The following FAM174B variants were observed in gnomAD, a reference collection of about 807,000 sequenced individuals.
FAM174B encodes family with sequence similarity 174 member B, also known as membrane protein FAM174B.
FAM174B carries 12 observed loss-of-function variants against 10.9 expected under a neutral mutation model. The ratio of observed to expected loss-of-function variants is 1.10; its 90% CI spans 0.71 to 1.79. The LOEUF is 1.79. FAM174B is among the 40% of genes most tolerant of loss of function. FAM174B has a pLI of 0.00. For missense variants in FAM174B, 266 were observed against 233.3 expected (o/e 1.14, Z -0.91); for synonymous variants, 132 against 115.8 (o/e 1.14, Z -0.90).
intron 2 of FAM174B, chr15:92,627,209 C>T (rs2050759081): frequency 6.5e-6 from 1 of 152,802 alleles, no homozygotes; most frequent in Non-Finnish European, 1.5e-5. Flanking sequence ...TTTGCCCTCG[C>T]AACACGCCAG....
chr15:92,632,184 C>T (rs1046986485), intron 1 of FAM174B, among the ~76,000 whole-genome samples: 1 of 152,192 alleles, frequency 6.6e-6, no homozygotes, highest in Non-Finnish European at 1.5e-5. Context: ...CATGAGGATT[C>T]ATGAGGAAAA....
At chr15:92,638,527 T>C (rs557244683) in intron 1 of FAM174B, among the ~76,000 whole-genome samples, 2 of 152,188 alleles carry the variant, frequency 1.3e-5, no homozygotes, top group Admixed American at 1.3e-4. Flanking sequence ...CTAAACCCTT[T>C]AGACTCAGTT....
chr15:92,648,312 C>T (rs1596303112), intron 1 of FAM174B, among the ~76,000 whole-genome samples: 1 of 152,324 alleles, frequency 6.6e-6, no homozygotes, highest in Middle Eastern at 3.4e-3. Flanking sequence ...TTTTTGTCAA[C>T]AAAGGGCATT....
In FAM174B at chr15:92,617,577, T is replaced by C. The variant is rs1337319331; in HGVS notation, c.*1879A>G. Reference sequence around the variant, plus strand: ...AAGCACCTGGCAGATGGAGCCCGGGTGTTTCTGCGTAAGGCAGAGGAATCC... The same window carrying C: ...AAGCACCTGGCAGATGGAGCCCGGGCGTTTCTGCGTAAGGCAGAGGAATCC... On this transcript the variant is annotated 3_prime_UTR_variant, in exon 3 of 3. Coordinates refer to ENST00000327355, the MANE Select transcript of FAM174B (RefSeq NM_207446.3). 11 of 569,656 alleles carry C rather than the reference T, an allele frequency of 1.9e-5. No homozygotes were observed. Among genetic ancestry groups the C allele is most frequent in the Non-Finnish European group, 3.4e-5 (11 of 322,668 alleles). 35.3% of individuals were successfully genotyped at this position (569,656 alleles called of 1,614,324 possible).
At chr15:92,655,032 G>A (rs2050991888) in intron 1 of FAM174B, 1 of 292,130 alleles carries the variant, frequency 3.4e-6, no homozygotes, top group Admixed American at 5.1e-5. Flanking sequence ...GAGCGCTATT[G>A]TTAGTGTTCA....
chr15:92,630,001 T>C (rs929172545), intron 2 of FAM174B, among the ~76,000 whole-genome samples: 3 of 152,094 alleles, frequency 2.0e-5, no homozygotes, highest in Admixed American at 2.0e-4. Context: ...CAATTAAACC[T>C]CTCTTTATAC....
intron 1 of FAM174B, among the ~76,000 whole-genome samples, chr15:92,631,424 TATA>T (rs1170730393): frequency 1.7e-5 from 1 of 59,180 alleles, no homozygotes; most frequent in Non-Finnish European, 2.8e-5. Context: ...ATATATAATA[TATA>T]ATATAATATA....
intron 2 of FAM174B, among the ~76,000 whole-genome samples, chr15:92,625,018 C>T (rs1474521817): frequency 1.3e-5 from 2 of 152,200 alleles, no homozygotes; most frequent in East Asian, 1.9e-4. Context: ...CACATGCAGC[C>T]GAAACCCAAA....
chr15:92,620,244 A>T (rs574768248), intron 2 of FAM174B, among the ~76,000 whole-genome samples: 6 of 152,354 alleles, frequency 3.9e-5, no homozygotes, highest in African/African-American at 1.2e-4. Context: ...AGGCACGGTA[A>T]TCCCAGCACT....
At chr15:92,630,386 G>C (rs1420825981) in intron 1 of FAM174B, 41 bp from the exon 2 acceptor site, 2 of 1,570,880 alleles carry the variant, frequency 1.3e-6, no homozygotes, top group African/African-American at 1.4e-5. Context: ...ACAGCTGGGA[G>C]AGAAAGAGTC....
At chr15:92,624,401 G>A (rs2050739869) in intron 2 of FAM174B, among the ~76,000 whole-genome samples, 1 of 148,346 alleles carries the variant, frequency 6.7e-6, no homozygotes, top group Non-Finnish European at 1.5e-5. Context: ...GGGGTGCCTG[G>A]CCATTCAGAG....
chr15:92,655,648 C>T lies in FAM174B; in HGVS notation c.12G>A (p.Val4=). The change falls in exon 1 of 3, where the codon GTG becomes GTA. Residue 4 remains valine, a synonymous_variant. Transcript: ENST00000327355. ...GCGGCAGGAGCGGGGCGGGCAGCGG[C>T]ACGGCGCGCATAGTGCGGTGGGTCG... The part of the protein sequence containing the change: MRA[V]PLPAPLLPLL... 8.0e-7 allele frequency: 1 copy of T among 1,255,028 alleles called. No homozygotes were observed. The highest frequency in any genetic ancestry group is 9.9e-7 in the Non-Finnish European group (1 of 1,005,232). 77.7% of individuals were successfully genotyped at this position (1,255,028 alleles called of 1,614,324 possible). A position where few individuals can be genotyped will look rare whatever the true frequency, so the allele number is the denominator to read the frequency against.
intron 2 of FAM174B, among the ~76,000 whole-genome samples, chr15:92,627,713 G>C (rs527387756): frequency 1.3e-5 from 2 of 152,300 alleles, no homozygotes; most frequent in East Asian, 3.9e-4. Flanking sequence ...CACTGGCTCA[G>C]AATCAAAACA....
rs529143089 is a variant in FAM174B, at chr15:92,627,800, T to C, written c.476+2414A>G. Reference sequence around the variant, plus strand: ...AGCCGTGCAGGAGGAAGCGGACTCTTTTGACTGTGAATAGTAATAAGGACA... The same window carrying C: ...AGCCGTGCAGGAGGAAGCGGACTCTCTTGACTGTGAATAGTAATAAGGACA... On this transcript the variant is annotated intron_variant, in intron 2 of 2. Transcript: ENST00000327355. Among the ~76,000 whole-genome samples the C allele has an allele frequency of 1.1e-3, 168 of 152,324 alleles. 1 individual carries two copies. Among genetic ancestry groups the C allele is most frequent in the African/African-American group, 3.9e-3 (161 of 41,582 alleles).
intron 1 of FAM174B, among the ~76,000 whole-genome samples, chr15:92,642,230 A>G (rs1026029072): frequency 1.3e-5 from 2 of 152,228 alleles, no homozygotes; most frequent in African/African-American, 4.8e-5. Flanking sequence ...AAACTAGTAC[A>G]GCAATTTGGA....
At chr15:92,629,116 G>T (rs1417785523) in intron 2 of FAM174B, among the ~76,000 whole-genome samples, 1 of 152,170 alleles carries the variant, frequency 6.6e-6, no homozygotes, top group Non-Finnish European at 1.5e-5. Context: ...ACACAGGTGT[G>T]GAAGGCTTGC....
intron 1 of FAM174B, among the ~76,000 whole-genome samples, chr15:92,646,695 AG>A (rs372179566): frequency 3.3e-5 from 5 of 152,348 alleles, no homozygotes; most frequent in African/African-American, 1.2e-4. Context: ...TGCCACCTGG[AG>A]GCTTCGCCTG....
rs1596292002 is a variant in FAM174B, at chr15:92,619,135, T to G, written c.*321A>C. On this transcript the variant is annotated 3_prime_UTR_variant, in exon 3 of 3. Transcript: ENST00000327355. ...TTGTCAACAATTGTCTTAAAAAAAC[T>G]TCTTTAAAATCAACATGTTTCTACC... 2 of 680,568 alleles carry G rather than the reference T, an allele frequency of 2.9e-6. No individual in the cohort carries two copies. The highest frequency in any genetic ancestry group is 5.4e-5 in the East Asian group (2 of 36,948). The allele number at this position is 680,568 out of a possible 1,614,324, so 42.2% of individuals were successfully genotyped here. A position where few individuals can be genotyped will look rare whatever the true frequency, so the allele number is the denominator to read the frequency against.
intron 2 of FAM174B, among the ~76,000 whole-genome samples, chr15:92,621,476 G>A (rs1160486979): frequency 6.6e-6 from 1 of 151,954 alleles, no homozygotes; most frequent in Non-Finnish European, 1.5e-5. Flanking sequence ...GCTGGACATG[G>A]TGGCTTGTGC....
Sources: gnomAD v4.1 joint callset for allele counts (sites outside exome capture counted in the v4.1 genomes callset) on GRCh38, gnomAD v4.1.1 for gene constraint, MANE v1.5 for transcripts, NCBI Gene and HGNC (gene_info 2026-07-23, HGNC 2026-07-21) for gene names.